Variants in LCOR observed in about 807,000 individuals in gnomAD.
LCOR encodes ligand dependent nuclear receptor corepressor, also known as ligand-dependent corepressor.
LCOR carries 14 observed loss-of-function variants against 64.4 expected under a neutral mutation model. The ratio of observed to expected loss-of-function variants is 0.22; its 90% CI spans 0.14 to 0.34. The LOEUF (loss-of-function observed/expected upper bound fraction) is 0.34. Ranked by LOEUF, LCOR falls within the 10% of genes least tolerant of loss-of-function variation. The pLI is 1.00. For missense variants in LCOR, 1,686 were observed against 1,765.3 expected (o/e 0.96, Z 0.80); for synonymous variants, 643 against 642.5 (o/e 1.00, Z -0.01).
chr10:96,978,314 T>C (rs1268493888), intron 7 of LCOR, among the ~76,000 whole-genome samples: 1 of 152,246 alleles, frequency 6.6e-6, no homozygotes, highest in African/African-American at 2.4e-5. Context: ...GAAGATAATA[T>C]TTGCCATTCT....
chr10:96,861,517 C>T (rs1397361805), intron 2 of LCOR, among the ~76,000 whole-genome samples: 1 of 152,008 alleles, frequency 6.6e-6, no homozygotes, highest in Admixed American at 6.6e-5. Context: ...CTGCAGTGGA[C>T]ACTAGGTGAG....
intron 2 of LCOR, among the ~76,000 whole-genome samples, chr10:96,867,858 TAAC>T (rs1474548948): frequency 1.3e-5 from 2 of 152,154 alleles, no homozygotes; most frequent in African/African-American, 4.8e-5. Flanking sequence ...ACTGGAATTT[TAAC>T]AACGATGATG....
intron 7 of LCOR, chr10:96,956,359 A>G: frequency 2.0e-6 from 2 of 986,028 alleles, no homozygotes; most frequent in Non-Finnish European, 2.4e-6. Flanking sequence ...TGCAAATTGG[A>G]AAGCCATCTT....
chr10:96,832,937 C>G, intron 1 of LCOR: 1 of 961,468 alleles, frequency 1.0e-6, no homozygotes, highest in African/African-American at 1.8e-5. Context: ...TGCAGGCGGG[C>G]GCCCGGCGCT....
intron 2 of LCOR, among the ~76,000 whole-genome samples, chr10:96,854,611 G>A (rs1300701054): frequency 6.6e-6 from 1 of 152,178 alleles, no homozygotes; most frequent in Non-Finnish European, 1.5e-5. Context: ...ACAGGCTTGA[G>A]CCACCGTGCC....
intron 2 of LCOR, among the ~76,000 whole-genome samples, chr10:96,864,929 T>C (rs1201319836): frequency 6.6e-6 from 1 of 152,198 alleles, no homozygotes; most frequent in East Asian, 1.9e-4. Flanking sequence ...ATATCCTTGT[T>C]GTTAAGCAGC....
At chr10:96,979,401 A>T (rs1848063505) in intron 7 of LCOR, among the ~76,000 whole-genome samples, 1 of 152,268 alleles carries the variant, frequency 6.6e-6, no homozygotes, top group African/African-American at 2.4e-5. Flanking sequence ...AGCACAAAGC[A>T]GCTAGTGAAA....
chr10:96,836,453 G>A (rs1278727546), intron 2 of LCOR, among the ~76,000 whole-genome samples: 1 of 152,104 alleles, frequency 6.6e-6, no homozygotes, highest in African/African-American at 2.4e-5. Flanking sequence ...TAGGATGAAG[G>A]GCAGTTAGGT....
intron 2 of LCOR, among the ~76,000 whole-genome samples, chr10:96,834,698 T>G (rs1257121709): frequency 6.6e-6 from 1 of 152,204 alleles, no homozygotes; most frequent in Non-Finnish European, 1.5e-5. Flanking sequence ...GAAAGATTTT[T>G]AAATTTATAA....
intron 2 of LCOR, among the ~76,000 whole-genome samples, chr10:96,867,711 A>G (rs1236656911): frequency 6.6e-6 from 1 of 152,146 alleles, no homozygotes; most frequent in East Asian, 1.9e-4. Context: ...AGCCTGGATA[A>G]CATAGCAAAA....
At chr10:96,970,653 A>ATTTATTTTATTTTATTTAT (rs1847991872) in intron 7 of LCOR, among the ~76,000 whole-genome samples, 15 of 140,874 alleles carry the variant, frequency 1.1e-4, no homozygotes, top group African/African-American at 4.0e-4. Flanking sequence ...ATTTTATTTT[A>ATTTATTTTATTTTATTTAT]TTTATTTTAT....
At chr10:96,914,958 C>T (rs574809589) in intron 4 of LCOR, among the ~76,000 whole-genome samples, 1 of 152,214 alleles carries the variant, frequency 6.6e-6, no homozygotes, top group South Asian at 2.1e-4. Flanking sequence ...GGAGTTAAGT[C>T]TGTGTTGAAA....
intron 1 of LCOR, among the ~76,000 whole-genome samples, 164 bp downstream of exon 1, chr10:96,832,563 G>A (rs1316517909): frequency 7.9e-6 from 1 of 127,144 alleles, no homozygotes; most frequent in Non-Finnish European, 1.6e-5. Flanking sequence ...GAGCGCGCGC[G>A]ACCTCCAGGC....
At chr10:96,835,891 A>G (rs1845433582) in intron 2 of LCOR, among the ~76,000 whole-genome samples, 1 of 152,166 alleles carries the variant, frequency 6.6e-6, no homozygotes, top group South Asian at 2.1e-4. Flanking sequence ...GATGGATGAT[A>G]TTTGGTTACC....
chr10:96,840,025 GTGTT>G (rs1589596894), intron 2 of LCOR, among the ~76,000 whole-genome samples: 1 of 152,184 alleles, frequency 6.6e-6, no homozygotes, highest in Non-Finnish European at 1.5e-5. Context: ...TGTTTTTAAA[GTGTT>G]TGTTTGAATT....
chr10:96,881,695 G>C (rs1031751768), intron 2 of LCOR, among the ~76,000 whole-genome samples: 1 of 152,110 alleles, frequency 6.6e-6, no homozygotes. Context: ...GTCCTCAGGT[G>C]ATCCACCCAT....
chr10:96,902,050 A>G (rs987421603), intron 2 of LCOR, among the ~76,000 whole-genome samples: 2 of 151,852 alleles, frequency 1.3e-5, no homozygotes, highest in African/African-American at 4.8e-5. Flanking sequence ...TCTCTACTTA[A>G]TTCTATTTGG....
In LCOR at chr10:96,979,960, A is replaced by G. The variant is rs946934996; in HGVS notation, c.333-833A>G. Among the ~76,000 whole-genome samples the G allele has an allele frequency of 3.3e-5, 5 of 152,232 alleles. No homozygotes were observed. The South Asian group carries it at 1.0e-3, about 32-fold the overall frequency. ...GGAGTTCGAGACCAGCCTGGGCAAC[A>G]TGGTGAAACCCCGTCTCTACTAAAA... On this transcript the variant is annotated intron_variant, in intron 7 of 7. Coordinates refer to ENST00000421806, the MANE Select transcript of LCOR (RefSeq NM_001346516.2).
chr10:96,977,662 A>AGTTT (rs144809803), intron 7 of LCOR, among the ~76,000 whole-genome samples: 17 of 151,926 alleles, frequency 1.1e-4, no homozygotes, highest in African/African-American at 1.7e-4. Flanking sequence ...TTGATCTCCA[A>AGTTT]GTTTGTTTGT....
Sources: gnomAD v4.1 joint callset for allele counts (sites outside exome capture counted in the v4.1 genomes callset) on GRCh38, gnomAD v4.1.1 for gene constraint, MANE v1.5 for transcripts, NCBI Gene and HGNC (gene_info 2026-07-23, HGNC 2026-07-21) for gene names.